The following POLG variants were observed in gnomAD, a reference collection of about 807,000 sequenced individuals.
POLG encodes DNA polymerase subunit gamma-1.
Under a neutral mutation model 155.4 loss-of-function variants are expected in POLG, and 110 were observed. That is an observed-to-expected ratio of 0.71 (90% CI 0.61 to 0.83). The LOEUF (loss-of-function observed/expected upper bound fraction) is 0.83. Ranked by LOEUF, POLG falls within the 40% of genes least tolerant of loss-of-function variation. The pLI, the probability that POLG is intolerant of heterozygous loss-of-function variation, is 0.00. For missense variants in POLG, 1,685 were observed against 1,627.5 expected (o/e 1.04, Z -0.61); for synonymous variants, 701 against 631.5 (o/e 1.11, Z -1.65).
rs2055355030 is a variant in POLG, at chr15:89,319,105, G to A, written c.3105-6C>T. 4 of 1,613,966 alleles carry A rather than the reference G, an allele frequency of 2.5e-6. No individual in the cohort carries two copies. The highest frequency in any genetic ancestry group is 1.3e-5 in the African/African-American group (1 of 74,864). ...CCCACTTCTTCCACTGTGACCTAAG[G>A]GACCAGAAACAGAGGGCAGACTTTG... On this transcript the variant is annotated splice_polypyrimidine_tract_variant and splice_region_variant and intron_variant, in intron 19 of 22. Transcript: ENST00000268124.
At chr15:89,318,024 A>G in intron 21 of POLG, 1 of 289,324 alleles carries the variant, frequency 3.5e-6, no homozygotes, top group South Asian at 3.3e-5. Context: ...CATCCATATG[A>G]ACTAGGAATT....
intron 10 of POLG, 37 bp downstream of exon 10, chr15:89,325,413 G>A (rs768135549): frequency 2.1e-6 from 3 of 1,445,758 alleles, no homozygotes; most frequent in Non-Finnish European, 2.9e-6. Context: ...GGGGTCCCTA[G>A]GCTCCAGCCC....
intron 10 of POLG, among the ~76,000 whole-genome samples, chr15:89,325,155 T>TGAGTGAGTGAGTGAGAGAGTGAGA (rs1567189586): frequency 5.5e-4 from 24 of 43,928 alleles, no homozygotes; most frequent in African/African-American, 1.1e-3. Flanking sequence ...AGTGAGTGAG[T>TGAGTGAGTGAGTGAGAGAGTGAGA]GAGTGAGTGA....
Position 89,325,247 on chromosome 15 carries a change from TGA to T in POLG, c.1949+201_1949+202del, listed in dbSNP as rs767713132. On this transcript the variant is annotated intron_variant, in intron 10 of 22. Coordinates refer to ENST00000268124, the MANE Select transcript of POLG (RefSeq NM_002693.3). ...GAGAGTGAGTGAGAGAGTGAGTGAGTGAGAGAGAGAGTGAGTGAGTGAGTGAG... is the reference window on the plus strand; with the variant it reads ...GAGAGTGAGTGAGAGAGTGAGTGAGTGAGAGAGAGTGAGTGAGTGAGTGAG... Among the ~76,000 whole-genome samples the T allele has an allele frequency of 1.3e-3, 99 of 73,544 alleles. 20 individuals are homozygous for T. Among genetic ancestry groups the T allele is most frequent in the Middle Eastern group, 0.014 (2 of 138 alleles). The allele number at this position is 73,544 out of a possible 152,430, so 48.2% of individuals were successfully genotyped here.
At chr15:89,330,777 G>A (rs898130451) in intron 2 of POLG, among the ~76,000 whole-genome samples, 1 of 151,098 alleles carries the variant, frequency 6.6e-6, no homozygotes, top group Admixed American at 6.6e-5. Flanking sequence ...TGTACAGGAT[G>A]AATCATCTCA....
At position 89,328,501 on chromosome 15, in the gene POLG, GC is replaced by G; in HGVS notation, c.1204del (p.Ala402ProfsTer21). The G allele has an allele frequency of 1.2e-6, 2 of 1,613,834 alleles. No homozygotes were observed. The highest frequency in any genetic ancestry group is 1.7e-6 in the Non-Finnish European group (2 of 1,179,986). On this transcript the variant is annotated frameshift_variant, in exon 6 of 23. Coordinates refer to ENST00000268124, the MANE Select transcript of POLG (RefSeq NM_002693.3). LOFTEE classifies it high-confidence loss of function. ...CTGCTGCTGGAAAACCTCATGGGTG[GC>G]CCACACGTCCTGGGCACAGTACTGC... ...LMQYCAQDVWATHEVFQQQLP... is the reference protein window; with the variant it reads ...LMQYCAQDVWXTHEVFQQQLP...
chr15:89,317,086 T>G, intron 22 of POLG: 1 of 591,512 alleles, frequency 1.7e-6, no homozygotes, highest in Non-Finnish European at 3.0e-6. Flanking sequence ...CTGTCACCTA[T>G]AGAGTGCAAG....
intron 14 of POLG, 100 bp from the exon 15 acceptor site, chr15:89,322,115 TA>T: frequency 9.0e-7 from 1 of 1,105,384 alleles, no homozygotes; most frequent in South Asian, 1.3e-5. Flanking sequence ...AGGACTGCTA[TA>T]CTCCATTACC....
chr15:89,329,803 G>A (rs2055570948), intron 3 of POLG, among the ~76,000 whole-genome samples: 1 of 152,122 alleles, frequency 6.6e-6, no homozygotes, highest in Admixed American at 6.5e-5. Flanking sequence ...CCAGGCTGTG[G>A]CTCAAAACCT....
At position 89,321,770 on chromosome 15, in the gene POLG, A is replaced by G. The variant is rs963553787; in HGVS notation, c.2564T>C (p.Val855Ala). The G allele has an allele frequency of 1.9e-6, 3 of 1,614,130 alleles. No individual in the cohort carries two copies. The highest frequency in any genetic ancestry group is 3.3e-4 in the Middle Eastern group (2 of 6,048). The change falls in exon 16 of 23, where the codon GTG becomes GCG. Residue 855 changes from valine to alanine, a missense_variant. By Grantham distance (64) the Val-to-Ala change is moderately conservative. Around this residue, in one of 3 missense-constraint regions of POLG, gnomAD observed 1,210 missense variants for 1,167.1 expected, o/e 1.04. Transcript: ENST00000268124. ...GCTGGCGGTGAGCCATGTGGGCTCC[A>G]CAGCCCGGCGAGTGATGGTGCCGGC... ...VTAGTITRRAVEPTWLTASNA... is the reference protein window; with the variant it reads ...VTAGTITRRAAEPTWLTASNA...
Position 89,326,707 on chromosome 15 carries a change from A to C in POLG, c.1617T>G (p.Phe539Leu), listed in dbSNP as rs761452262. The change falls in exon 9 of 23, where the codon TTT (phenylalanine) becomes TTG (leucine). Residue 539 changes from phenylalanine to leucine, a missense_variant. Physicochemically the swap from Phe to Leu is conservative, Grantham distance 22 (BLOSUM62 0). Coordinates refer to ENST00000268124, the MANE Select transcript of POLG (RefSeq NM_002693.3). ...AGGCGCGGGCCATGACATCTTGTTG[A>C]AACTCCTCCTCCTCACTGCAGGGGC... ...DLGPCSEEEE[F>L]QQDVMARACL... The C allele has an allele frequency of 6.2e-7, 1 of 1,614,118 alleles. No homozygotes were observed. Among genetic ancestry groups the C allele is most frequent in the Admixed American group, 1.7e-5 (1 of 60,026 alleles).
At chr15:89,330,405 G>C in intron 2 of POLG, 129 bp from the exon 3 acceptor site, 2 of 766,288 alleles carry the variant, frequency 2.6e-6, no homozygotes, top group Non-Finnish European at 4.5e-6. Flanking sequence ...TGAGACCAAA[G>C]GGTGCTCCTA....
At chr15:89,328,909 A>T (rs750556064) in intron 4 of POLG, 34 bp downstream of exon 4, 1 of 1,614,044 alleles carries the variant, frequency 6.2e-7, no homozygotes, top group Non-Finnish European at 8.5e-7. Flanking sequence ...GGTCCCAAGC[A>T]CTATGCTCCT....
chr15:89,316,699 G>A lies in POLG; in HGVS notation c.*52C>T. ...GCTGAAAGCCTGAGTTTGGGAGCCT[G>A]CACCACCCCGATGAAGCTCCACGGG... On this transcript the variant is annotated 3_prime_UTR_variant, in exon 23 of 23. Transcript: ENST00000268124. 1 of 1,407,962 alleles carries A rather than the reference G, an allele frequency of 7.1e-7. No individual in the cohort carries two copies. The highest frequency in any genetic ancestry group is 1.4e-5 in the African/African-American group (1 of 70,522). The allele number at this position is 1,407,962 out of a possible 1,614,324, so 87.2% of individuals were successfully genotyped here.
In POLG at chr15:89,333,699, A is replaced by G. The variant is rs770885465; in HGVS notation, c.56T>C (p.Val19Ala). 16 of 1,540,786 alleles carry G rather than the reference A, an allele frequency of 1.0e-5. No homozygotes were observed. The South Asian group carries it at 1.6e-4, about 16-fold the overall frequency. ...VAGATVGPGPVPAPGRWVSSS... is the reference protein window; with the variant it reads ...VAGATVGPGPAPAPGRWVSSS... Reference sequence around the variant, plus strand: ...GGAGACCCAGCGCCCCGGAGCTGGAACCGGCCCTGGCCCGACGGTGGCGCC... The same window carrying G: ...GGAGACCCAGCGCCCCGGAGCTGGAGCCGGCCCTGGCCCGACGGTGGCGCC... Residue 19 changes from valine to alanine, a missense_variant, in exon 2 of 23, where the codon GTT becomes GCT. Val to Ala is a moderately conservative substitution (Grantham distance 64, BLOSUM62 0). Coordinates refer to ENST00000268124, the MANE Select transcript of POLG (RefSeq NM_002693.3).
rs1305634102 is a variant in POLG at position 89,324,138 on chromosome 15, A to G, written c.2039T>C (p.Leu680Pro). Residue 680 changes from leucine to proline, a missense_variant, in exon 11 of 23, where the codon CTG (leucine) becomes CCG (proline). Around this residue, in one of 3 missense-constraint regions of POLG, gnomAD observed 1,210 missense variants for 1,167.1 expected, o/e 1.04. Coordinates refer to ENST00000268124, the MANE Select transcript of POLG (RefSeq NM_002693.3). ...CCATATGGCACTATTGTCAGTGAGC[A>G]GGAACTCCTCCGCCAGGCCGGCCTC... ...PQEAGLAEEFLLTDNSAIWQT... is the reference protein window; with the variant it reads ...PQEAGLAEEFPLTDNSAIWQT... 1 of 1,614,102 alleles carries G rather than the reference A, an allele frequency of 6.2e-7. No homozygotes were observed. Among genetic ancestry groups the G allele is most frequent in the Non-Finnish European group, 8.5e-7 (1 of 1,180,028 alleles).
rs2055402562 is a variant in POLG at position 89,321,924 on chromosome 15, C to T, written c.2480+38G>A. On this transcript the variant is annotated intron_variant, in intron 15 of 22. Transcript: ENST00000268124. ...GGCCTTAGGACCTACCACCTCACCT[C>T]AGTTCTCCTATCCCTACAACCACTC... 2.5e-6 allele frequency: 4 copies of T among 1,611,346 alleles called. No homozygotes were observed. In the African/African-American group the frequency reaches 5.3e-5, roughly 22 times the overall value.
At position 89,318,947 on chromosome 15, in the gene POLG, GAGGGCTCC is replaced by G; in HGVS notation, c.3249_3256del (p.Glu1084GlyfsTer21). 1 of 1,614,088 alleles carries G rather than the reference GAGGGCTCC, an allele frequency of 6.2e-7. No individual in the cohort carries two copies. The highest frequency in any genetic ancestry group is 1.1e-5 in the South Asian group (1 of 91,084). On this transcript the variant is annotated frameshift_variant, in exon 20 of 23. Coordinates refer to ENST00000268124, the MANE Select transcript of POLG (RefSeq NM_002693.3). LOFTEE classifies it high-confidence loss of function. The stretch of plus-strand genomic sequence containing the variant: ...GCAAGATACCTCTTCCTGGACAGCC[GAGGGCTCC>G]AGGGCTCGGCTGATGCAGCAGCCCA...
chr15:89,324,210 T>C lies in POLG; in HGVS notation c.1967A>G (p.Tyr656Cys). ...VCPYRAIESL[Y>C]RKHCLEQGKQ... ...CCCCTGTTCGAGACAGTGCTTCCTGTACAGGGACTCGATGGCTCTGGGCAG... is the reference window on the plus strand; with the variant it reads ...CCCCTGTTCGAGACAGTGCTTCCTGCACAGGGACTCGATGGCTCTGGGCAG... Residue 656 changes from tyrosine (Y) to cysteine (C), a missense_variant, in exon 11 of 23, where the codon TAC (tyrosine) becomes TGC (cysteine). Physicochemically the swap from Tyr to Cys is radical, Grantham distance 194. This residue lies in a region of POLG where 1,210 missense variants were observed against 1,167.1 expected (regional missense o/e 1.04). Coordinates refer to ENST00000268124, the MANE Select transcript of POLG (RefSeq NM_002693.3). 3 of 1,613,220 alleles carry C rather than the reference T, an allele frequency of 1.9e-6. No homozygotes were observed. The highest frequency in any genetic ancestry group is 1.7e-5 in the Admixed American group (1 of 60,028).
Sources: allele counts gnomAD v4.1 joint callset (sites outside exome capture counted in the v4.1 genomes callset), GRCh38; gene constraint gnomAD v4.1.1; regional missense constraint gnomAD v4.1.1; transcripts MANE v1.5; gene names NCBI Gene and HGNC (gene_info 2026-07-23, HGNC 2026-07-21).